Variants in POU6F2 observed in about 807,000 individuals in gnomAD.
POU6F2 encodes POU domain, class 6, transcription factor 2.
A neutral mutation model predicts 71.3 loss-of-function variants in POU6F2; 31 were observed. That is an observed-to-expected ratio of 0.43 (90% confidence interval 0.33 to 0.59). The LOEUF (loss-of-function observed/expected upper bound fraction) is 0.59, where lower values mean the gene tolerates loss of function less well. Among genes scored for constraint, POU6F2 ranks in the 20% least tolerant of loss-of-function variants. POU6F2 has a pLI of 0.04. For synonymous variants in POU6F2, 347 were observed against 355.7 expected, an observed-to-expected ratio of 0.98 and a Z score of 0.27; for missense variants, 783 against 856.8, an observed-to-expected ratio of 0.91 and a Z score of 1.07.
At chr7:39,195,496 G>A (rs1003065163) in intron 2 of POU6F2, among the ~76,000 whole-genome samples, 2 of 152,196 alleles carry the variant, frequency 1.3e-5, no homozygotes, top group Non-Finnish European at 2.9e-5. Context: ...GAGGAGAAGA[G>A]GGGAATGAGA....
At chr7:38,985,356 TA>T (rs1440777086) in intron 1 of POU6F2, among the ~76,000 whole-genome samples, 1 of 152,160 alleles carries the variant, frequency 6.6e-6, no homozygotes, top group Non-Finnish European at 1.5e-5. Flanking sequence ...TCATTTCACT[TA>T]GTGTCAGTCC....
At chr7:39,152,615 A>C (rs903386596) in intron 2 of POU6F2, among the ~76,000 whole-genome samples, 1 of 152,130 alleles carries the variant, frequency 6.6e-6, no homozygotes, top group Admixed American at 6.5e-5. Context: ...ATTTGCTGCC[A>C]GAGTGGAAAT....
chr7:39,293,165 G>C (rs1784793338), intron 4 of POU6F2, among the ~76,000 whole-genome samples: 1 of 152,192 alleles, frequency 6.6e-6, no homozygotes. Flanking sequence ...GGCCCCGACG[G>C]TGCCAGGCTC....
chr7:39,358,064 T>A (rs1357357607), intron 5 of POU6F2, among the ~76,000 whole-genome samples: 1 of 152,222 alleles, frequency 6.6e-6, no homozygotes, highest in Admixed American at 6.5e-5. Context: ...AGATTACAAT[T>A]CAAGCAAACT....
Position 39,334,513 on chromosome 7 carries a change from T to TA in POU6F2, c.599-5117dup, listed in dbSNP as rs398066804. 1.4e-3 allele frequency among the ~76,000 whole-genome samples: 200 copies of TA among 143,874 alleles called. 2 individuals are homozygous for TA. The highest frequency in any genetic ancestry group is 3.6e-3 in the Middle Eastern group (1 of 278). 94.4% of individuals were successfully genotyped at this position (143,874 alleles called of 152,430 possible). A position where few individuals can be genotyped will look rare whatever the true frequency, so the allele number is the denominator to read the frequency against. On this transcript the variant is annotated intron_variant, in intron 4 of 9. Coordinates refer to ENST00000518318, the MANE Select transcript of POU6F2 (RefSeq NM_001370959.1). ...CTCCTGAATCTAAAATTTGAAAAATTAAAAAAAAAAAAGAATAAAGGCAGA... is the reference window on the plus strand; with the variant it reads ...CTCCTGAATCTAAAATTTGAAAAATTAAAAAAAAAAAAAGAATAAAGGCAGA...
At position 39,377,590 on chromosome 7, in the gene POU6F2, C is replaced by T. The variant is rs1583560650; in HGVS notation, c.973-29010C>T. 3.3e-5 allele frequency among the ~76,000 whole-genome samples: 5 copies of T among 152,292 alleles called. No homozygotes were observed. The South Asian group carries it at 1.0e-3, about 32-fold the overall frequency. On this transcript the variant is annotated intron_variant, in intron 5 of 9. Transcript: ENST00000518318. ...TTGACAGCTTTACAGGAAGAACTTCCAGAGCTTCATTTAGTGTTCACATGT... is the reference window on the plus strand; with the variant it reads ...TTGACAGCTTTACAGGAAGAACTTCTAGAGCTTCATTTAGTGTTCACATGT...
At chr7:39,225,135 CAT>C (rs1794437260) in intron 4 of POU6F2, among the ~76,000 whole-genome samples, 1 of 152,118 alleles carries the variant, frequency 6.6e-6, no homozygotes, top group African/African-American at 2.4e-5. Flanking sequence ...TGTTATCAAA[CAT>C]AAACATCTAT....
chr7:39,180,601 C>A (rs147117137), intron 2 of POU6F2, among the ~76,000 whole-genome samples: 2 of 152,256 alleles, frequency 1.3e-5, no homozygotes, highest in African/African-American at 4.8e-5. Context: ...CCGCTATTCC[C>A]AGTCATTTGC....
intron 1 of POU6F2, among the ~76,000 whole-genome samples, chr7:39,030,543 T>TATATGTATAC (rs1491146903): frequency 0.062 from 5,421 of 87,872 alleles, 551 homozygotes; most frequent in Non-Finnish European, 0.078. Context: ...TATATATATA[T>TATATGTATAC]ACACACACAT....
At chr7:39,090,844 A>G (rs549651462) in intron 2 of POU6F2, among the ~76,000 whole-genome samples, 1 of 152,198 alleles carries the variant, frequency 6.6e-6, no homozygotes, top group Admixed American at 6.5e-5. Context: ...AGAAATCTGT[A>G]GAAACCTGTA....
chr7:39,411,725 G>A (rs1040235744), intron 6 of POU6F2, among the ~76,000 whole-genome samples: 11 of 152,154 alleles, frequency 7.2e-5, no homozygotes, highest in South Asian at 2.1e-4. Context: ...CCACAAGGCC[G>A]TGATGAAAGA....
chr7:39,313,031 C>T (rs180748998), intron 4 of POU6F2, among the ~76,000 whole-genome samples: 33 of 150,910 alleles, frequency 2.2e-4, no homozygotes, highest in African/African-American at 7.6e-4. Flanking sequence ...GCCCAGAGAA[C>T]GCAGCAATAT....
At chr7:39,127,981 C>T (rs1297971180) in intron 2 of POU6F2, among the ~76,000 whole-genome samples, 1 of 151,496 alleles carries the variant, frequency 6.6e-6, no homozygotes, top group Non-Finnish European at 1.5e-5. Context: ...TAGCTGGGAC[C>T]ACAGGTGCCC....
chr7:39,363,816 A>G (rs908137266), intron 5 of POU6F2, among the ~76,000 whole-genome samples: 6 of 152,118 alleles, frequency 3.9e-5, no homozygotes, highest in African/African-American at 1.4e-4. Context: ...GGAAATAAGT[A>G]GTGACCTTGA....
intron 5 of POU6F2, among the ~76,000 whole-genome samples, chr7:39,387,108 G>A (rs566764611): frequency 5.9e-5 from 9 of 152,342 alleles, no homozygotes; most frequent in Non-Finnish European, 8.8e-5. Context: ...GGAAGACAGT[G>A]GACCCAACCC....
At position 39,451,657 on chromosome 7, in the gene POU6F2, C is replaced by T. The variant is rs745671309; in HGVS notation, c.1445C>T (p.Ser482Leu). 2.0e-5 allele frequency: 33 copies of T among 1,610,996 alleles called. No homozygotes were observed. The South Asian group carries it at 2.3e-4, about 11-fold the overall frequency. ...PVRQASSSSS[S>L]SSSSSALSVG... Reference sequence around the variant, plus strand: ...CGGCAGGCTTCCTCTTCTTCCTCCTCATCCTCCTCTTCTTCAGCTTTGAGC... The same window carrying T: ...CGGCAGGCTTCCTCTTCTTCCTCCTTATCCTCCTCTTCTTCAGCTTTGAGC... The change falls in exon 8 of 10, where the codon TCA becomes TTA. Residue 482 changes from serine (S) to leucine (L), a missense_variant. By Grantham distance (145) the Ser-to-Leu change is moderately radical. Coordinates refer to ENST00000518318, the MANE Select transcript of POU6F2 (RefSeq NM_001370959.1).
rs552852801 is a variant in POU6F2 at position 39,394,970 on chromosome 7, G to T, written c.973-11630G>T. The stretch of plus-strand genomic sequence containing the variant: ...TCGATGCTGTGTTTGATGAATGAAT[G>T]AGTGGTGAACCATACCGTGCTTCTG... On this transcript the variant is annotated intron_variant, in intron 5 of 9. Transcript: ENST00000518318. Among the ~76,000 whole-genome samples the T allele has an allele frequency of 1.1e-3, 163 of 152,258 alleles. 1 individual carries two copies. The highest frequency in any genetic ancestry group is 3.1e-3 in the Admixed American group (48 of 15,288).
chr7:39,278,735 A>G (rs1220391129), intron 4 of POU6F2, among the ~76,000 whole-genome samples: 2 of 152,146 alleles, frequency 1.3e-5, no homozygotes, highest in African/African-American at 4.8e-5. Flanking sequence ...TCACGCTGGC[A>G]TACAGGGGGC....
chr7:39,011,662 C>T (rs377673465), intron 1 of POU6F2, among the ~76,000 whole-genome samples: 3 of 149,922 alleles, frequency 2.0e-5, no homozygotes, highest in South Asian at 2.2e-4. Flanking sequence ...CGGCTGGTAC[C>T]GGTTGTTCCT....
Sources: allele counts gnomAD v4.1 joint callset (sites outside exome capture counted in the v4.1 genomes callset), GRCh38; gene constraint gnomAD v4.1.1; transcripts MANE v1.5; gene names NCBI Gene and HGNC (gene_info 2026-07-23, HGNC 2026-07-21).